Variants in SPATA6 observed in about 807,000 individuals in gnomAD.
SPATA6 encodes the protein spermatogenesis-associated protein 6.
A neutral mutation model predicts 65.3 loss-of-function variants in SPATA6; 56 were observed. That is an observed-to-expected ratio of 0.86 (90% CI 0.69 to 1.07). The LOEUF is 1.07. SPATA6 is among the 50% of genes least tolerant of loss of function. SPATA6 has a pLI of 0.00. For synonymous variants in SPATA6, 199 were observed against 213.2 expected (o/e 0.93, Z 0.58); for missense variants, 590 against 594.8 (o/e 0.99, Z 0.08).
At chr1:48,273,545 T>C in the SPATA6 span, among the ~76,000 whole-genome samples, 10 of 152,132 alleles carry the variant, frequency 6.6e-5, no homozygotes, top group African/African-American at 2.2e-4. Flanking sequence ...GCTGTGTCCA[T>C]GTGTTCTCAT....
chr1:48,382,345 C>T (rs1449269328), intron 9 of SPATA6, among the ~76,000 whole-genome samples: 1 of 81,860 alleles, frequency 1.2e-5, no homozygotes, highest in Non-Finnish European at 2.5e-5. Context: ...CTGACCCCCC[C>T]ACCACCCTCC....
the SPATA6 span, among the ~76,000 whole-genome samples, chr1:48,264,687 A>AG: frequency 6.6e-6 from 1 of 152,188 alleles, no homozygotes; most frequent in Admixed American, 6.5e-5. Flanking sequence ...GTCCCTGCAA[A>AG]GGACAGGAAC....
intron 11 of SPATA6, among the ~76,000 whole-genome samples, chr1:48,315,027 C>T (rs1377717859): frequency 6.6e-6 from 1 of 152,054 alleles, no homozygotes; most frequent in Non-Finnish European, 1.5e-5. Context: ...CAATAACAGG[C>T]TCTGAAATTG....
rs530499702 is a variant in SPATA6 at position 48,460,833 on chromosome 1, G to C, written c.52-7702C>G. Among the ~76,000 whole-genome samples, 15 of 150,336 alleles carry C rather than the reference G, an allele frequency of 1.0e-4. No homozygotes were observed. In the South Asian group the frequency reaches 3.2e-3, roughly 32 times the overall value. ...TTAAGTTAAAAATCCCAGAACAGGA[G>C]ATAAATTTTAAATTATTAAGTACAA... On this transcript the variant is annotated intron_variant, in intron 1 of 12. Coordinates refer to ENST00000371847, the MANE Select transcript of SPATA6 (RefSeq NM_019073.4).
In SPATA6 at chr1:48,356,510, C is replaced by CTTTTTT. The variant is rs910154922; in HGVS notation, c.1095-747_1095-742dup. Among the ~76,000 whole-genome samples, 30 of 122,722 alleles carry CTTTTTT rather than the reference C, an allele frequency of 2.4e-4. 1 individual carries two copies. The highest frequency in any genetic ancestry group is 5.3e-4 in the South Asian group (2 of 3,760). The allele number at this position is 122,722 out of a possible 152,430, so 80.5% of individuals were successfully genotyped here. On this transcript the variant is annotated intron_variant, in intron 10 of 12. Transcript: ENST00000371847. The stretch of plus-strand genomic sequence containing the variant: ...TTGTTTTCTTCCCAGTTTGTCCTTT[C>CTTTTTT]TTTTTTTTTTTTTTTTTTTTTGACA...
intron 8 of SPATA6, among the ~76,000 whole-genome samples, chr1:48,387,297 C>G (rs577355416): frequency 1.3e-5 from 2 of 152,256 alleles, no homozygotes; most frequent in Admixed American, 1.3e-4. Flanking sequence ...CACAGCCAAA[C>G]CATATCAAGG....
intron 11 of SPATA6, among the ~76,000 whole-genome samples, chr1:48,336,082 T>C (rs1646051830): frequency 6.6e-6 from 1 of 152,050 alleles, no homozygotes; most frequent in South Asian, 2.1e-4. Context: ...AACAATAAGA[T>C]AGCATCACAC....
At chr1:48,348,436 T>C (rs1302495026) in intron 11 of SPATA6, among the ~76,000 whole-genome samples, 1 of 152,054 alleles carries the variant, frequency 6.6e-6, no homozygotes, top group Non-Finnish European at 1.5e-5. Context: ...ATTCCAATAC[T>C]GATGACCAGA....
At chr1:48,375,672 A>T (rs2148871429) in intron 9 of SPATA6, among the ~76,000 whole-genome samples, 1 of 152,302 alleles carries the variant, frequency 6.6e-6, no homozygotes, top group African/African-American at 2.4e-5. Context: ...CAAAATGCAC[A>T]CAAGTAATAT....
At chr1:48,281,751 C>T in the SPATA6 span, among the ~76,000 whole-genome samples, 1 of 151,846 alleles carries the variant, frequency 6.6e-6, no homozygotes, top group Non-Finnish European at 1.5e-5. Context: ...TGAAAATGGC[C>T]ATACTGCCCA....
intron 6 of SPATA6, chr1:48,402,683 A>T (rs1210990261): frequency 6.6e-6 from 1 of 152,216 alleles, no homozygotes; most frequent in Admixed American, 6.5e-5. Context: ...TTGAATACTG[A>T]TAATGCAGTA....
intron 8 of SPATA6, among the ~76,000 whole-genome samples, chr1:48,385,981 A>T (rs1462521911): frequency 6.6e-6 from 1 of 152,212 alleles, no homozygotes; most frequent in Non-Finnish European, 1.5e-5. Context: ...ATCAACTATT[A>T]TTACTAATAC....
At chr1:48,445,592 G>A (rs536928068) in intron 3 of SPATA6, among the ~76,000 whole-genome samples, 6 of 147,282 alleles carry the variant, frequency 4.1e-5, no homozygotes, top group Non-Finnish European at 7.4e-5. Flanking sequence ...CCCAGGAGGC[G>A]GAGCTTGCAG....
intron 3 of SPATA6, among the ~76,000 whole-genome samples, chr1:48,437,962 A>G (rs1655097450): frequency 6.6e-6 from 1 of 151,848 alleles, no homozygotes; most frequent in African/African-American, 2.4e-5. Context: ...CACACCAATC[A>G]GCACTCTGTA....
At chr1:48,361,174 C>A (rs551552508) in intron 9 of SPATA6, among the ~76,000 whole-genome samples, 1 of 151,948 alleles carries the variant, frequency 6.6e-6, no homozygotes, top group East Asian at 1.9e-4. Flanking sequence ...AAAAGTAAAT[C>A]AAAAGTAGAA....
chr1:48,380,973 A>G (rs541067133), intron 9 of SPATA6, among the ~76,000 whole-genome samples: 136 of 152,328 alleles, frequency 8.9e-4, no homozygotes, highest in African/African-American at 3.1e-3. Context: ...GTCTGGTTTC[A>G]GAATGAAACT....
At chr1:48,437,640 C>T (rs1449546211) in intron 3 of SPATA6, among the ~76,000 whole-genome samples, 1 of 152,170 alleles carries the variant, frequency 6.6e-6, no homozygotes, top group Non-Finnish European at 1.5e-5. Flanking sequence ...GTTAAACCAA[C>T]AGGCTAGTTT....
At chr1:48,363,038 C>G (rs1488308617) in intron 9 of SPATA6, among the ~76,000 whole-genome samples, 2 of 151,920 alleles carry the variant, frequency 1.3e-5, no homozygotes, top group Non-Finnish European at 2.9e-5. Flanking sequence ...TATAAGACGT[C>G]AAATACAAGT....
the SPATA6 span, among the ~76,000 whole-genome samples, chr1:48,280,112 T>G: frequency 6.6e-6 from 1 of 151,934 alleles, no homozygotes; most frequent in Admixed American, 6.6e-5. Flanking sequence ...AAGGCAGAAA[T>G]AAAGATGTTC....
Sources: allele counts gnomAD v4.1 joint callset (sites outside exome capture counted in the v4.1 genomes callset), GRCh38; gene constraint gnomAD v4.1.1; transcripts MANE v1.5; gene names NCBI Gene and HGNC (gene_info 2026-07-23, HGNC 2026-07-21).